The following VCL variants were observed in gnomAD, a reference collection of about 807,000 sequenced individuals.
VCL encodes the protein vinculin, also known as epididymis luminal protein 114.
In VCL, 47 loss-of-function variants were observed where a neutral mutation model predicts 125.7. That is an observed-to-expected ratio of 0.37 (90% confidence interval 0.30 to 0.48). The LOEUF (loss-of-function observed/expected upper bound fraction) is 0.48, where lower values mean the gene tolerates loss of function less well. VCL is among the 20% of genes least tolerant of loss of function. The pLI is 0.99. For synonymous variants in VCL, 458 were observed against 514.6 expected (o/e 0.89, Z 1.49); for missense variants, 1,069 against 1,455.5 (o/e 0.73, Z 4.32).
At chr10:74,002,880 C>CAA (rs777477698) in intron 1 of VCL, among the ~76,000 whole-genome samples, 7 of 66,748 alleles carry the variant, frequency 1.0e-4, no homozygotes, top group African/African-American at 1.9e-4. Flanking sequence ...GACTCTGTCT[C>CAA]AAAAAAAAAA....
intron 21 of VCL, among the ~76,000 whole-genome samples, chr10:74,116,369 TCTATGTCATG>T (rs1416518968): frequency 1.3e-5 from 2 of 152,198 alleles, no homozygotes; most frequent in Admixed American, 6.5e-5. Flanking sequence ...CTTCGCTGTT[TCTATGTCATG>T]TGATCTCTTC....
At chr10:74,003,724 G>A (rs1840270266) in intron 1 of VCL, among the ~76,000 whole-genome samples, 1 of 152,008 alleles carries the variant, frequency 6.6e-6, no homozygotes, top group Non-Finnish European at 1.5e-5. Context: ...CTCTGCTCTT[G>A]TTTTGTTGTT....
At chr10:74,089,404 C>T in intron 9 of VCL, 55 bp downstream of exon 9, 1 of 1,604,860 alleles carries the variant, frequency 6.2e-7, no homozygotes, top group Non-Finnish European at 8.5e-7. Context: ...TATCCTAAGT[C>T]ATAAATATCC....
chr10:74,032,290 T>G (rs1248741678), intron 1 of VCL, among the ~76,000 whole-genome samples: 1 of 148,242 alleles, frequency 6.7e-6, no homozygotes, highest in Non-Finnish European at 1.5e-5. Context: ...TATATTTTAG[T>G]CTTAAATTGG....
intron 2 of VCL, among the ~76,000 whole-genome samples, chr10:74,045,148 G>A (rs1001209022): frequency 2.0e-5 from 3 of 152,080 alleles, no homozygotes; most frequent in Non-Finnish European, 2.9e-5. Context: ...TCCAGCCTGG[G>A]TGACAGGGTG....
intron 12 of VCL, 103 bp downstream of exon 12, chr10:74,095,958 T>C: frequency 7.2e-7 from 1 of 1,384,908 alleles, no homozygotes; most frequent in South Asian, 1.2e-5. Context: ...TTCTGGGGTC[T>C]AGGGAAAATG....
chr10:74,031,247 A>C (rs1554813880), intron 1 of VCL, among the ~76,000 whole-genome samples: 3 of 150,632 alleles, frequency 2.0e-5, no homozygotes, highest in East Asian at 2.0e-4. Context: ...TTCCCCCACC[A>C]CCCCCCTTGT....
At chr10:74,083,549 G>C (rs1397841507) in intron 8 of VCL, 36 bp downstream of exon 8, 1 of 1,611,366 alleles carries the variant, frequency 6.2e-7, no homozygotes, top group Non-Finnish European at 8.5e-7. Flanking sequence ...GCAGTAGTGG[G>C]TAACTCACTC....
intron 1 of VCL, among the ~76,000 whole-genome samples, chr10:74,035,781 A>G (rs1011870766): frequency 1.3e-5 from 2 of 152,258 alleles, no homozygotes; most frequent in East Asian, 1.9e-4. Context: ...TGGGTTCCAC[A>G]CTTCTGCATT....
At chr10:74,083,271 C>T in intron 7 of VCL, 95 bp from the exon 8 acceptor site, 1 of 1,521,402 alleles carries the variant, frequency 6.6e-7, no homozygotes, top group East Asian at 2.3e-5. Flanking sequence ...TGTTTAAAAT[C>T]ATCCATTCCT....
intron 8 of VCL, among the ~76,000 whole-genome samples, chr10:74,088,536 A>G (rs2131906765): frequency 6.6e-6 from 1 of 152,342 alleles, no homozygotes; most frequent in Non-Finnish European, 1.5e-5. Context: ...TTTTATTGCC[A>G]GTGTTTTCAA....
At chr10:74,092,854 A>G (rs1170167056) in intron 10 of VCL, among the ~76,000 whole-genome samples, 4 of 152,112 alleles carry the variant, frequency 2.6e-5, no homozygotes, top group African/African-American at 7.2e-5. Context: ...ATCTCCAGTG[A>G]CTTTTATCCA....
rs1237709097 is a variant in VCL at position 74,105,165 on chromosome 10, T to C, written c.2246T>C (p.Leu749Pro). ...VAMANIQPQM[L>P]VAGATSIARR... ...ATGGCCAACATTCAGCCTCAGATGCTGGTTGCTGGGGCAACCAGTATTGCT... is the reference window on the plus strand; with the variant it reads ...ATGGCCAACATTCAGCCTCAGATGCCGGTTGCTGGGGCAACCAGTATTGCT... The change falls in exon 16 of 22, where the codon CTG becomes CCG. Residue 749 changes from leucine (L) to proline (P), a missense_variant. Coordinates refer to ENST00000211998, the MANE Select transcript of VCL (RefSeq NM_014000.3). 6.2e-7 allele frequency: 1 copy of C among 1,614,236 alleles called. No individual in the cohort carries two copies.
intron 1 of VCL, among the ~76,000 whole-genome samples, chr10:74,028,808 A>T (rs559740998): frequency 6.6e-6 from 1 of 152,306 alleles, no homozygotes; most frequent in South Asian, 2.1e-4. Context: ...ACTAGTCAGG[A>T]CTAAAAGGTG....
At chr10:74,058,754 A>G (rs758728137) in intron 2 of VCL, among the ~76,000 whole-genome samples, 5 of 152,174 alleles carry the variant, frequency 3.3e-5, no homozygotes, top group Non-Finnish European at 7.3e-5. Context: ...GTGAGCTGAC[A>G]TAGGATGACT....
intron 21 of VCL, among the ~76,000 whole-genome samples, chr10:74,117,644 C>T (rs949166905): frequency 6.6e-6 from 1 of 152,028 alleles, no homozygotes; most frequent in Admixed American, 6.6e-5. Flanking sequence ...AGAGAAAGAC[C>T]CCATCTCAAA....
chr10:74,016,296 G>C (rs999275459), intron 1 of VCL, among the ~76,000 whole-genome samples: 10 of 152,088 alleles, frequency 6.6e-5, no homozygotes, highest in African/African-American at 2.2e-4. Context: ...ATACCAGAGA[G>C]AGAATAGCAA....
At chr10:74,013,398 A>C (rs971994833) in intron 1 of VCL, among the ~76,000 whole-genome samples, 5 of 152,152 alleles carry the variant, frequency 3.3e-5, no homozygotes, top group African/African-American at 4.8e-5. Flanking sequence ...CAGAATATGT[A>C]AGTGTGAATA....
At chr10:74,105,949 C>T (rs1247295755) in intron 16 of VCL, among the ~76,000 whole-genome samples, 3 of 124,006 alleles carry the variant, frequency 2.4e-5, no homozygotes, top group Non-Finnish European at 4.7e-5. Context: ...CGGAGTTTTG[C>T]TCTTGTTGCC....
Sources: allele counts gnomAD v4.1 joint callset (sites outside exome capture counted in the v4.1 genomes callset), GRCh38; gene constraint gnomAD v4.1.1; transcripts MANE v1.5; gene names NCBI Gene and HGNC (gene_info 2026-07-23, HGNC 2026-07-21).